RIBC2: variants seen among roughly 807,000 people sequenced by gnomAD.
The protein encoded by RIBC2 is RIB43A domain with coiled-coils 2.
In RIBC2, 40 loss-of-function variants were observed where a neutral mutation model predicts 44.3. The ratio of observed to expected loss-of-function variants is 0.90; its 90% CI spans 0.70 to 1.18. The LOEUF (loss-of-function observed/expected upper bound fraction) is 1.18. Among genes scored for constraint, RIBC2 ranks in the 50% most tolerant of loss-of-function variants. The pLI, the probability that RIBC2 is intolerant of heterozygous loss-of-function variation, is 0.00. For synonymous variants in RIBC2, 171 were observed against 175.0 expected, an observed-to-expected ratio of 0.98 and a Z score of 0.18; for missense variants, 459 against 485.5, an observed-to-expected ratio of 0.95 and a Z score of 0.51.
chr22:45,417,621 T>G lies in RIBC2; in HGVS notation c.231T>G (p.Asn77Lys). Residue 77 changes from asparagine to lysine, a missense_variant, in exon 3 of 7, where the codon AAT (asparagine) becomes AAG (lysine). By Grantham distance (94) the Asn-to-Lys change is moderately conservative. Transcript: ENST00000614167. ...HETFAAEMRQ[N>K]DKIMCILENR... is the part of the protein sequence containing the mutation. Reference sequence around the variant, plus strand: ...TTCCAGCTGCTGAAATGAGGCAAAATGACAAAATCATGTGCATATTGGAAA... The same window carrying G: ...TTCCAGCTGCTGAAATGAGGCAAAAGGACAAAATCATGTGCATATTGGAAA... 4 of 1,610,360 alleles carry G rather than the reference T, an allele frequency of 2.5e-6. No individual in the cohort carries two copies. The highest frequency in any genetic ancestry group is 3.4e-6 in the Non-Finnish European group (4 of 1,176,828).
chr22:45,420,632 A>C (rs2087468838), intron 3 of RIBC2, among the ~76,000 whole-genome samples: 1 of 152,040 alleles, frequency 6.6e-6, no homozygotes, highest in Non-Finnish European at 1.5e-5. Flanking sequence ...TTTCTCCTCC[A>C]ACTAACTGGT....
chr22:45,415,643 C>T (rs1263346792), intron 2 of RIBC2, among the ~76,000 whole-genome samples: 1 of 151,616 alleles, frequency 6.6e-6, no homozygotes, highest in Non-Finnish European at 1.5e-5. Flanking sequence ...TGCCCTGCCC[C>T]CTACCTCTTA....
Position 45,417,887 on chromosome 22 carries a change from A to G in RIBC2, c.497A>G (p.Glu166Gly). 1 of 1,613,928 alleles carries G rather than the reference A, an allele frequency of 6.2e-7. No individual in the cohort carries two copies. Among genetic ancestry groups the G allele is most frequent in the Non-Finnish European group, 8.5e-7 (1 of 1,179,990 alleles). ...RKKFQEEQNR[E>G]WSLQQQREWK... ...AAATTCCAAGAGGAACAAAACAGAG[A>G]ATGGTCTTTGCAGCAGCAAAGGGAA... Residue 166 changes from glutamate to glycine, a missense_variant, in exon 3 of 7, where the codon GAA becomes GGA. Transcript: ENST00000614167.
chr22:45,421,542 TATTAA>T (rs2087481756), intron 3 of RIBC2, among the ~76,000 whole-genome samples: 1 of 26,680 alleles, frequency 3.7e-5, no homozygotes, highest in Non-Finnish European at 5.6e-5. Flanking sequence ...TTATTAATAA[TATTAA>T]TAATAATAAT....
chr22:45,430,988 AGCAGTGGCGGCG>A lies in RIBC2; in HGVS notation c.997_1008del (p.Trp333_Gln336del), dbSNP rs753486232. ...CGCGCCACCCTGCTGTTTGAGCGGCAGCAGTGGCGGCGGCAGCGCGACCTGCGCAGAGCTCTG... is the reference window on the plus strand; with the variant it reads ...CGCGCCACCCTGCTGTTTGAGCGGCAGCAGCGCGACCTGCGCAGAGCTCTG... On this transcript the variant is annotated inframe_deletion, in exon 6 of 7. Transcript: ENST00000614167. The A allele has an allele frequency of 7.5e-6, 12 of 1,604,950 alleles. No individual in the cohort carries two copies. The highest frequency in any genetic ancestry group is 1.3e-5 in the African/African-American group (1 of 74,530).
intron 2 of RIBC2, among the ~76,000 whole-genome samples, chr22:45,417,262 G>A (rs953785430): frequency 6.6e-6 from 1 of 151,972 alleles, no homozygotes; most frequent in African/African-American, 2.4e-5. Flanking sequence ...ATTGGGTTGG[G>A]GTTTTGGGGT....
chr22:45,414,034 G>A lies in RIBC2; in HGVS notation c.129+19G>A. The A allele has an allele frequency of 6.4e-7, 1 of 1,551,348 alleles. No individual in the cohort carries two copies. The highest frequency in any genetic ancestry group is 2.4e-5 in the East Asian group (1 of 40,910). ...AATTGGGGTGAAAGGGCAGGGGCCG[G>A]GACGGGGTTAGAGCGGCAGATGCGG... On this transcript the variant is annotated intron_variant, in intron 1 of 6. Transcript: ENST00000614167.
At chr22:45,424,488 C>T (rs926349406) in intron 4 of RIBC2, among the ~76,000 whole-genome samples, 1 of 152,216 alleles carries the variant, frequency 6.6e-6, no homozygotes, top group South Asian at 2.1e-4. Context: ...CCTCCTGTGT[C>T]GGTCAGAATG....
chr22:45,414,801 G>A (rs1386283797), intron 2 of RIBC2, among the ~76,000 whole-genome samples: 3 of 152,140 alleles, frequency 2.0e-5, no homozygotes, highest in Non-Finnish European at 2.9e-5. Flanking sequence ...AAGGGTATAT[G>A]TATGTTTTCC....
chr22:45,414,858 GAC>G (rs149869724), intron 2 of RIBC2, among the ~76,000 whole-genome samples: 1 of 151,718 alleles, frequency 6.6e-6, no homozygotes, highest in Non-Finnish European at 1.5e-5. Flanking sequence ...AACACAGAAA[GAC>G]ACACACACAC....
chr22:45,432,107 C>T (rs1194013825), intron 6 of RIBC2, among the ~76,000 whole-genome samples, 177 bp from the exon 7 acceptor site: 3 of 151,916 alleles, frequency 2.0e-5, no homozygotes, highest in African/African-American at 7.3e-5. Flanking sequence ...TGACCCTCGC[C>T]GCTGAGGAGC....
At chr22:45,416,581 C>T (rs1353948633) in intron 2 of RIBC2, among the ~76,000 whole-genome samples, 1 of 152,094 alleles carries the variant, frequency 6.6e-6, no homozygotes, top group African/African-American at 2.4e-5. Flanking sequence ...CCTGCCTCAG[C>T]CTCCCAAGTA....
At chr22:45,425,914 C>T (rs753232513) in intron 4 of RIBC2, 34 bp from the exon 5 acceptor site, 39 of 1,578,774 alleles carry the variant, frequency 2.5e-5, no homozygotes, top group East Asian at 4.5e-5. Context: ...TGGGGTCACT[C>T]GGACCATCTT....
At chr22:45,426,280 G>A in intron 5 of RIBC2, 105 bp downstream of exon 5, 1 of 998,754 alleles carries the variant, frequency 1.0e-6, no homozygotes. Flanking sequence ...CTCTGCCCTA[G>A]CACCTGCCCT....
intron 3 of RIBC2, among the ~76,000 whole-genome samples, chr22:45,420,223 G>T (rs1309972866): frequency 6.6e-6 from 1 of 152,074 alleles, no homozygotes; most frequent in Admixed American, 6.5e-5. Flanking sequence ...GAGTATATCA[G>T]GCTCACTTCT....
At chr22:45,428,468 C>G (rs1049183920) in intron 5 of RIBC2, among the ~76,000 whole-genome samples, 4 of 152,122 alleles carry the variant, frequency 2.6e-5, no homozygotes, top group Admixed American at 1.3e-4. Flanking sequence ...GAGAGACTTG[C>G]TGGAGCCGTG....
intron 3 of RIBC2, among the ~76,000 whole-genome samples, chr22:45,419,186 A>G (rs545362888): frequency 6.6e-6 from 1 of 152,360 alleles, no homozygotes; most frequent in African/African-American, 2.4e-5. Context: ...TTATACCTCC[A>G]GCCTGGACTC....
In RIBC2 at chr22:45,430,892, C is replaced by A; in HGVS notation, c.904-8C>A. 6.4e-7 allele frequency: 1 copy of A among 1,568,656 alleles called. No homozygotes were observed. The highest frequency in any genetic ancestry group is 8.6e-7 in the Non-Finnish European group (1 of 1,156,530). On this transcript the variant is annotated splice_polypyrimidine_tract_variant and splice_region_variant and intron_variant, in intron 5 of 6. Coordinates refer to ENST00000614167, the MANE Select transcript of RIBC2 (RefSeq NM_015653.5). ...AAGGTGGTGGTGAGCCGCCTCTTTTCCTTCCAGAGGCTCCAGGAAGAAAAG... is the reference window on the plus strand; with the variant it reads ...AAGGTGGTGGTGAGCCGCCTCTTTTACTTCCAGAGGCTCCAGGAAGAAAAG...
intron 4 of RIBC2, among the ~76,000 whole-genome samples, chr22:45,423,596 C>G (rs530800762): frequency 6.6e-6 from 1 of 152,306 alleles, no homozygotes; most frequent in South Asian, 2.1e-4. Flanking sequence ...AAGCTCAAAA[C>G]TGTCCTGGTG....
Sources: allele counts gnomAD v4.1 joint callset (sites outside exome capture counted in the v4.1 genomes callset), GRCh38; gene constraint gnomAD v4.1.1; transcripts MANE v1.5; gene names NCBI Gene and HGNC (gene_info 2026-07-23, HGNC 2026-07-21).